The following CHFR variants were observed in gnomAD, a reference collection of about 807,000 sequenced individuals.
CHFR encodes the protein E3 ubiquitin-protein ligase CHFR.
In CHFR, 57 loss-of-function variants were observed where a neutral mutation model predicts 87.6. That is an observed-to-expected ratio of 0.65 (90% CI 0.53 to 0.81). CHFR has a LOEUF of 0.81. Among genes scored for constraint, CHFR ranks in the 30% least tolerant of loss-of-function variants. CHFR has a pLI of 0.00. For missense variants in CHFR, 797 were observed against 865.8 expected, an observed-to-expected ratio of 0.92 and a Z score of 1.00; for synonymous variants, 381 against 359.2, an observed-to-expected ratio of 1.06 and a Z score of -0.69.
Position 132,838,628 on chromosome 12 carries a change from G to A in CHFR, c.*2926C>T, listed in dbSNP as rs1422865411. ...CAAGGCTGGGCCAAGGAGCCAGGAA[G>A]AAGCAGTGGGATCTGCAGCAGCACC... On this transcript the variant is annotated 3_prime_UTR_variant, in exon 18 of 18. Transcript: ENST00000450056. 6.6e-6 allele frequency: 1 copy of A among 152,440 alleles called. No homozygotes were observed. Among genetic ancestry groups the A allele is most frequent in the African/African-American group, 2.4e-5 (1 of 41,460 alleles). The allele number at this position is 152,440 out of a possible 1,614,324, so 9.4% of individuals were successfully genotyped here.
intron 2 of CHFR, among the ~76,000 whole-genome samples, chr12:132,884,112 T>G (rs554088569): frequency 9.9e-5 from 15 of 151,074 alleles, no homozygotes; most frequent in Admixed American, 5.3e-4. Context: ...AGAGTAAGAC[T>G]CCGTCTCAAA....
At chr12:132,873,349 C>T (rs977554208) in intron 3 of CHFR, among the ~76,000 whole-genome samples, 33 of 152,314 alleles carry the variant, frequency 2.2e-4, no homozygotes, top group African/African-American at 6.5e-4. Context: ...CTGCCACAGC[C>T]GTCTCCCCGT....
chr12:132,877,534 A>G (rs1394345454), intron 3 of CHFR, 21 bp downstream of exon 3: 2 of 1,536,570 alleles, frequency 1.3e-6, no homozygotes, highest in Non-Finnish European at 1.8e-6. Flanking sequence ...AAACACCAAA[A>G]GAAGCTCAGA....
In CHFR at chr12:132,851,670, C is replaced by A; in HGVS notation, c.1440G>T (p.Met480Ile). The stretch of plus-strand genomic sequence containing the variant: ...GCTCGCGCTCCGCTCTCCGGTCGGG[C>A]ATGGGCTGGAAGCAGCAGGTGCACA... ...HALCTCCFQPMPDRRAEREQD... is the reference protein window; with the variant it reads ...HALCTCCFQPIPDRRAEREQD... The change falls in exon 12 of 18, where the codon ATG becomes ATT. Residue 480 changes from methionine (M) to isoleucine (I), a missense_variant. By Grantham distance (10) the Met-to-Ile change is conservative. Around this residue, in one of 2 missense-constraint regions of CHFR, gnomAD observed 200 missense variants for 264.6 expected, o/e 0.76. Coordinates refer to ENST00000450056, the MANE Select transcript of CHFR (RefSeq NM_001161346.2). The A allele has an allele frequency of 6.2e-7, 1 of 1,613,364 alleles. No homozygotes were observed. The highest frequency in any genetic ancestry group is 8.5e-7 in the Non-Finnish European group (1 of 1,179,956).
At chr12:132,887,459 G>T (rs910849755) in intron 1 of CHFR, 88 bp downstream of exon 1, 1 of 709,030 alleles carries the variant, frequency 1.4e-6, no homozygotes, top group Non-Finnish European at 1.7e-6. Context: ...CCGCAGCCCG[G>T]CCTGGACGCC....
rs1373843772 is a variant in CHFR at position 132,887,252 on chromosome 12, T to C, written c.77A>G (p.Glu26Gly). ...WGRLLRLGAEEGEPHVLLRKR... is the reference protein window; with the variant it reads ...WGRLLRLGAEGGEPHVLLRKR... Reference sequence around the variant, plus strand: ...CCTCAGGAGGACGTGCGGCTCGCCCTCCTCCGCGCCCAGACGCAGGAGCCG... The same window carrying C: ...CCTCAGGAGGACGTGCGGCTCGCCCCCCTCCGCGCCCAGACGCAGGAGCCG... The change falls in exon 2 of 18, where the codon GAG becomes GGG. Residue 26 changes from glutamate to glycine, a missense_variant. Transcript: ENST00000450056. 7 of 1,501,924 alleles carry C rather than the reference T, an allele frequency of 4.7e-6. No individual in the cohort carries two copies. The allele number at this position is 1,501,924 out of a possible 1,614,324, so 93.0% of individuals were successfully genotyped here.
At position 132,861,570 on chromosome 12, in the gene CHFR, G is replaced by A; in HGVS notation, c.648C>T (p.Ser216=). The A allele has an allele frequency of 6.2e-7, 1 of 1,614,178 alleles. No individual in the cohort carries two copies. Among genetic ancestry groups the A allele is most frequent in the Non-Finnish European group, 8.5e-7 (1 of 1,180,008 alleles). ...TGTCTGGGAGAGCTGAGGCAAAGCTGGAGACTTCATCACTTGCCACAGAGG... is the reference window on the plus strand; with the variant it reads ...TGTCTGGGAGAGCTGAGGCAAAGCTAGAGACTTCATCACTTGCCACAGAGG... ...SGPSVASDEV[S]SFASALPDRK... Residue 216 remains serine (S), a synonymous_variant, in exon 7 of 18, where the codon TCC becomes TCT. Transcript: ENST00000450056.
At chr12:132,853,702 G>T in intron 10 of CHFR, 129 bp from the exon 11 acceptor site, 1 of 1,166,006 alleles carries the variant, frequency 8.6e-7, no homozygotes, top group Non-Finnish European at 1.2e-6. Flanking sequence ...GAGGGGAAGG[G>T]CCGGGCCCCA....
At chr12:132,886,004 C>T (rs1247829480) in intron 2 of CHFR, among the ~76,000 whole-genome samples, 1 of 152,112 alleles carries the variant, frequency 6.6e-6, no homozygotes, top group Non-Finnish European at 1.5e-5. Context: ...TGTAAGACTA[C>T]CAAAACACCC....
chr12:132,857,103 A>C (rs756236953), intron 9 of CHFR, among the ~76,000 whole-genome samples: 91 of 76,610 alleles, frequency 1.2e-3, no homozygotes, highest in African/African-American at 4.5e-3. Flanking sequence ...GTGGAGGGAC[A>C]GCCCTCACGT....
intron 14 of CHFR, chr12:132,847,673 T>C (rs1319736688): frequency 9.1e-7 from 1 of 1,096,426 alleles, no homozygotes. Context: ...CATATGTAAA[T>C]CCTAGAAACC....
At chr12:132,857,610 G>C in intron 8 of CHFR, 51 bp from the exon 9 acceptor site, 1 of 1,577,414 alleles carries the variant, frequency 6.3e-7, no homozygotes. Flanking sequence ...ATGCAACCGC[G>C]ACCCTCGACC....
chr12:132,862,118 C>CA (rs1951222683), intron 6 of CHFR, among the ~76,000 whole-genome samples: 1 of 151,964 alleles, frequency 6.6e-6, no homozygotes, highest in East Asian at 1.9e-4. Flanking sequence ...ACTAAAAATA[C>CA]AAAAAAATTA....
intron 2 of CHFR, among the ~76,000 whole-genome samples, chr12:132,878,038 A>G (rs1038909438): frequency 2.0e-5 from 3 of 152,014 alleles, no homozygotes; most frequent in East Asian, 1.9e-4. Context: ...TTTTGACCTC[A>G]TGATCTGCCC....
Position 132,840,863 on chromosome 12 carries a change from G to A in CHFR, c.*691C>T, listed in dbSNP as rs1211863620. 1 of 145,260 alleles carries A rather than the reference G, an allele frequency of 6.9e-6. No homozygotes were observed. The highest frequency in any genetic ancestry group is 2.4e-5 in the African/African-American group (1 of 41,002). 9.0% of individuals were successfully genotyped at this position (145,260 alleles called of 1,614,324 possible). Reference sequence around the variant, plus strand: ...GCGGTCACTCACCGGTTAGCAAGGAGCGACTAACTTGGCGGCCACGTCGAG... The same window carrying A: ...GCGGTCACTCACCGGTTAGCAAGGAACGACTAACTTGGCGGCCACGTCGAG... On this transcript the variant is annotated 3_prime_UTR_variant, in exon 18 of 18. Transcript: ENST00000450056.
At chr12:132,850,784 C>CG (rs1950922074) in intron 12 of CHFR, among the ~76,000 whole-genome samples, 1 of 151,950 alleles carries the variant, frequency 6.6e-6, no homozygotes, top group South Asian at 2.1e-4. Context: ...GAGCCAACCG[C>CG]GGTGCTCAAC....
At chr12:132,853,947 C>T (rs1405875426) in intron 10 of CHFR, 6 of 206,958 alleles carry the variant, frequency 2.9e-5, no homozygotes, top group African/African-American at 4.6e-5. Flanking sequence ...AAGCAGAGCG[C>T]GGTGGGCAAC....
Position 132,833,916 on chromosome 12 carries a change from C to T in CHFR, c.*7638G>A. The T allele has an allele frequency of 6.6e-6, 1 of 152,404 alleles. No homozygotes were observed. 9.4% of individuals were successfully genotyped at this position (152,404 alleles called of 1,614,324 possible). A position where few individuals can be genotyped will look rare whatever the true frequency, so the allele number is the denominator to read the frequency against. ...GGCAAGGAGAACGAGTACTCAAAGG[C>T]ACCTTTGAGGAAGTAATATTTGAGC... On this transcript the variant is annotated 3_prime_UTR_variant, in exon 18 of 18. Coordinates refer to ENST00000450056, the MANE Select transcript of CHFR (RefSeq NM_001161346.2).
intron 16 of CHFR, 70 bp downstream of exon 16, chr12:132,843,957 A>C: frequency 1.0e-6 from 1 of 970,344 alleles, no homozygotes; most frequent in South Asian, 1.4e-5. Flanking sequence ...CAAAAAAAAA[A>C]AAGAGAGGCA....
Sources: gnomAD v4.1 joint callset for allele counts (sites outside exome capture counted in the v4.1 genomes callset) on GRCh38, gnomAD v4.1.1 for gene constraint, gnomAD v4.1.1 regional missense constraint, MANE v1.5 for transcripts, NCBI Gene and HGNC (gene_info 2026-07-23, HGNC 2026-07-21) for gene names.